MAGI1: variants seen among roughly 807,000 people sequenced by gnomAD.
MAGI1 encodes membrane-associated guanylate kinase, WW and PDZ domain-containing protein 1.
A neutral mutation model predicts 139.9 loss-of-function variants in MAGI1; 58 were observed. That is an observed-to-expected ratio of 0.41 (90% CI 0.34 to 0.52). The LOEUF (loss-of-function observed/expected upper bound fraction) is 0.52, where lower values mean the gene tolerates loss of function less well. MAGI1 is among the 20% of genes least tolerant of loss of function. The probability of loss-of-function intolerance (pLI) is 0.12; values close to 1 mark genes in which losing one functional copy is unlikely to be tolerated. For missense variants in MAGI1, 1,874 were observed against 1,901.6 expected, an observed-to-expected ratio of 0.99 and a Z score of 0.27; for synonymous variants, 812 against 737.9, an observed-to-expected ratio of 1.10 and a Z score of -1.63.
At chr3:65,721,931 C>T (rs1223107303) in intron 1 of MAGI1, among the ~76,000 whole-genome samples, 1 of 151,792 alleles carries the variant, frequency 6.6e-6, no homozygotes, top group Non-Finnish European at 1.5e-5. Flanking sequence ...CAGTGTGTCT[C>T]AACTCTGGGC....
chr3:65,424,438 G>A (rs1201919771), intron 12 of MAGI1, among the ~76,000 whole-genome samples: 1 of 152,130 alleles, frequency 6.6e-6, no homozygotes, highest in Admixed American at 6.5e-5. Context: ...CTGCTCTCTA[G>A]GAATTTTAAC....
rs917574346 is a variant in MAGI1 at position 65,621,841 on chromosome 3, T to A, written c.430+131A>T. 69 of 633,158 alleles carry A rather than the reference T, an allele frequency of 1.1e-4. 1 individual carries two copies. The South Asian group carries it at 1.3e-3, about 12-fold the overall frequency. The allele number at this position is 633,158 out of a possible 1,614,324, so 39.2% of individuals were successfully genotyped here. A position where few individuals can be genotyped will look rare whatever the true frequency, so the allele number is the denominator to read the frequency against. The stretch of plus-strand genomic sequence containing the variant: ...TTATTGAATTATGATTTGCTTGAGT[T>A]AAGGAGTCACTCAGTAGGCCAACCA... On this transcript the variant is annotated intron_variant, in intron 2 of 22. Coordinates refer to ENST00000402939, the MANE Select transcript of MAGI1 (RefSeq NM_001033057.2).
At chr3:65,469,812 A>ATCT (rs1950438574) in intron 5 of MAGI1, 5 of 151,276 alleles carry the variant, frequency 3.3e-5, no homozygotes, top group Non-Finnish European at 5.9e-5. Flanking sequence ...TATATGATAA[A>ATCT]GGAATTATAT....
At chr3:65,828,000 A>T (rs1320879088) in intron 1 of MAGI1, among the ~76,000 whole-genome samples, 4 of 152,170 alleles carry the variant, frequency 2.6e-5, no homozygotes, top group Non-Finnish European at 5.9e-5. Flanking sequence ...ACCAGGAACC[A>T]CTCACTCACT....
chr3:65,713,988 C>T (rs544442198), intron 1 of MAGI1, among the ~76,000 whole-genome samples: 1 of 152,172 alleles, frequency 6.6e-6, no homozygotes, highest in Non-Finnish European at 1.5e-5. Flanking sequence ...AAAGCTCAAA[C>T]AAAAAAATCA....
intron 1 of MAGI1, among the ~76,000 whole-genome samples, chr3:65,775,075 T>C (rs1014651413): frequency 6.6e-6 from 1 of 152,166 alleles, no homozygotes; most frequent in East Asian, 1.9e-4. Context: ...AAGAGCCACA[T>C]GAATGTAACC....
chr3:65,845,047 T>A (rs2058938706), intron 1 of MAGI1, among the ~76,000 whole-genome samples: 1 of 152,084 alleles, frequency 6.6e-6, no homozygotes, highest in East Asian at 1.9e-4. Context: ...GGTCAGGAGT[T>A]CGAGACAAGC....
intron 2 of MAGI1, among the ~76,000 whole-genome samples, chr3:65,500,610 A>T (rs1322917398): frequency 6.6e-6 from 1 of 152,220 alleles, no homozygotes; most frequent in Non-Finnish European, 1.5e-5. Flanking sequence ...TATCCAGTTG[A>T]GGCAGAAAAA....
intron 1 of MAGI1, among the ~76,000 whole-genome samples, chr3:65,668,553 C>CA (rs1553688539): frequency 2.2e-5 from 3 of 134,756 alleles, no homozygotes; most frequent in African/African-American, 8.6e-5. Context: ...CCATTTAGTC[C>CA]TTTTTTTTCT....
intron 1 of MAGI1, among the ~76,000 whole-genome samples, chr3:66,000,408 C>T (rs2066682743): frequency 6.6e-6 from 1 of 152,048 alleles, no homozygotes; most frequent in Admixed American, 6.6e-5. Context: ...TCTCTTTCTT[C>T]CTACCCCAAT....
At position 65,382,083 on chromosome 3, in the gene MAGI1, G is replaced by C; in HGVS notation, c.2509-14C>G. 6.3e-7 allele frequency: 1 copy of C among 1,585,578 alleles called. No individual in the cohort carries two copies. The highest frequency in any genetic ancestry group is 8.6e-7 in the Non-Finnish European group (1 of 1,161,780). ...ACCAATATAAATCTGTTGAGTAATT[G>C]AACGATGGATGAAACATTGCTCTCC... On this transcript the variant is annotated splice_polypyrimidine_tract_variant and intron_variant, in intron 15 of 22. Coordinates refer to ENST00000402939, the MANE Select transcript of MAGI1 (RefSeq NM_001033057.2).
intron 1 of MAGI1, among the ~76,000 whole-genome samples, chr3:65,703,663 C>T (rs1576807629): frequency 6.6e-6 from 1 of 152,146 alleles, no homozygotes; most frequent in South Asian, 2.1e-4. Context: ...AAGTGGCAGG[C>T]TAATTTATAG....
chr3:65,530,790 C>CAT (rs2078659638), intron 2 of MAGI1, among the ~76,000 whole-genome samples: 1 of 63,388 alleles, frequency 1.6e-5, no homozygotes, highest in Non-Finnish European at 2.8e-5. Context: ...TATATATACA[C>CAT]GTATATATAT....
chr3:65,680,795 T>TATGATATGATATGATATGAAATATG (rs58365928), intron 1 of MAGI1, among the ~76,000 whole-genome samples: 1 of 151,160 alleles, frequency 6.6e-6, no homozygotes, highest in Non-Finnish European at 1.5e-5. Flanking sequence ...TATGATATGA[T>TATGATATGATATGATATGAAATATG]ATACTTTAAT....
At chr3:65,541,324 C>A (rs984395915) in intron 2 of MAGI1, among the ~76,000 whole-genome samples, 1 of 152,098 alleles carries the variant, frequency 6.6e-6, no homozygotes, top group East Asian at 1.9e-4. Flanking sequence ...AGATTCACAG[C>A]CAAATTCTAA....
At chr3:65,632,355 A>C (rs2084363768) in intron 1 of MAGI1, among the ~76,000 whole-genome samples, 1 of 152,208 alleles carries the variant, frequency 6.6e-6, no homozygotes, top group Non-Finnish European at 1.5e-5. Context: ...TATTAAAGAG[A>C]CCACATGATG....
At chr3:65,783,258 G>A (rs60691991) in intron 1 of MAGI1, among the ~76,000 whole-genome samples, 6,031 of 152,150 alleles carry the variant, frequency 0.04, 201 homozygotes, top group African/African-American at 0.092. Flanking sequence ...GGACCAATAA[G>A]CTCAGAAGCA....
At position 65,809,256 on chromosome 3, in the gene MAGI1, T is replaced by C. The variant is rs534258548; in HGVS notation, c.314-187168A>G. Among the ~76,000 whole-genome samples, 116 of 152,270 alleles carry C rather than the reference T, an allele frequency of 7.6e-4. 1 individual carries two copies. Among genetic ancestry groups the C allele is most frequent in the African/African-American group, 2.7e-3 (113 of 41,558 alleles). ...TGCCCACGGTGGGACCCTAAACTTG[T>C]TTCCGGACACTTCAGCAGGTCAAGT... On this transcript the variant is annotated intron_variant, in intron 1 of 22. Coordinates refer to ENST00000402939, the MANE Select transcript of MAGI1 (RefSeq NM_001033057.2).
At chr3:65,674,143 G>C (rs944108050) in intron 1 of MAGI1, among the ~76,000 whole-genome samples, 2 of 152,162 alleles carry the variant, frequency 1.3e-5, no homozygotes, top group Non-Finnish European at 2.9e-5. Flanking sequence ...GAATGCAACA[G>C]GAGATGACAT....
Sources: gnomAD v4.1 joint callset for allele counts (sites outside exome capture counted in the v4.1 genomes callset) on GRCh38, gnomAD v4.1.1 for gene constraint, MANE v1.5 for transcripts, NCBI Gene and HGNC (gene_info 2026-07-23, HGNC 2026-07-21) for gene names.